Variants in ZNF283 observed in about 807,000 individuals in gnomAD.
The protein encoded by ZNF283 is zinc finger protein 41.
Under a neutral mutation model 9.2 loss-of-function variants are expected in ZNF283, and 10 were observed. The ratio of observed to expected loss-of-function variants is 1.09; its 90% CI spans 0.67 to 1.85. The LOEUF is 1.85. Ranked by LOEUF, ZNF283 falls within the 40% of genes most tolerant of loss-of-function variation. The probability of loss-of-function intolerance (pLI) is 0.00; values close to 1 mark genes in which losing one functional copy is unlikely to be tolerated. For missense variants in ZNF283, 631 were observed against 760.1 expected (o/e 0.83, Z 2.00); for synonymous variants, 234 against 244.1 (o/e 0.96, Z 0.38).
Position 43,847,273 on chromosome 19 carries a change from A to G in ZNF283, c.672A>G (p.Gln224=). The change falls in exon 7 of 7, where the codon CAA becomes CAG. Residue 224 remains glutamine, a synonymous_variant. Transcript: ENST00000618787. ...GCAGTCATGGCTCAAAACTTGTTCAACATGAGAGAACTCATACAGCTGAAA... is the reference window on the plus strand; with the variant it reads ...GCAGTCATGGCTCAAAACTTGTTCAGCATGAGAGAACTCATACAGCTGAAA... ...KACSHGSKLV[Q]HERTHTAEKH... 6.2e-7 allele frequency: 1 copy of G among 1,613,824 alleles called. No homozygotes were observed. The highest frequency in any genetic ancestry group is 1.1e-5 in the South Asian group (1 of 91,070).
At position 43,837,108 on chromosome 19, in the gene ZNF283, GCCTGGA is replaced by G. The variant is rs1468891277; in HGVS notation, c.269_274del (p.Leu90_Asp91del). On this transcript the variant is annotated inframe_deletion, in exon 6 of 7. Transcript: ENST00000618787. ...GACTTCTCTCAGGAGGAGTGGGAAT[GCCTGGA>G]CCCTGCTCAGAGGGACTTGTACGTG... 1 of 1,614,016 alleles carries G rather than the reference GCCTGGA, an allele frequency of 6.2e-7. No individual in the cohort carries two copies. Among genetic ancestry groups the G allele is most frequent in the Non-Finnish European group, 8.5e-7 (1 of 1,180,006 alleles).
intron 5 of ZNF283, among the ~76,000 whole-genome samples, chr19:43,836,617 C>CG (rs1970990874): frequency 6.6e-6 from 1 of 152,152 alleles, no homozygotes; most frequent in Non-Finnish European, 1.5e-5. Context: ...CTTGGGATTA[C>CG]GGGCATGAAC....
intron 6 of ZNF283, among the ~76,000 whole-genome samples, chr19:43,839,025 C>G (rs756631932): frequency 6.6e-6 from 1 of 152,096 alleles, no homozygotes; most frequent in Non-Finnish European, 1.5e-5. Context: ...ATGTAGTTAC[C>G]TTTACCAATG....
In ZNF283 at chr19:43,849,768, T is replaced by C. The variant is rs1253724014; in HGVS notation, c.*1127T>C. ...TGATGTTTCAAATGCTGATGGTAAC[T>C]AATAATGCTGTTACAGAGATTAGAT... On this transcript the variant is annotated 3_prime_UTR_variant, in exon 7 of 7. Transcript: ENST00000618787. 6.6e-6 allele frequency: 1 copy of C among 152,226 alleles called. No homozygotes were observed. The highest frequency in any genetic ancestry group is 1.5e-5 in the Non-Finnish European group (1 of 68,026). The allele number at this position is 152,226 out of a possible 1,614,324, so 9.4% of individuals were successfully genotyped here. A position where few individuals can be genotyped will look rare whatever the true frequency, so the allele number is the denominator to read the frequency against.
At chr19:43,828,914 G>A (rs1205483975) in intron 2 of ZNF283, among the ~76,000 whole-genome samples, 3 of 152,192 alleles carry the variant, frequency 2.0e-5, no homozygotes, top group African/African-American at 7.2e-5. Context: ...TGCTTTGTGA[G>A]GCTTTTAGGG....
chr19:43,831,497 C>A lies in ZNF283; in HGVS notation c.-1+116C>A. ...CTCAGTTTTTTACATTTGGAAATGT[C>A]TTTATAGTTCCAATTATGGAATTAA... is the stretch of plus-strand genomic sequence containing the variant. On this transcript the variant is annotated intron_variant, in intron 3 of 6. Transcript: ENST00000618787. 6 of 825,326 alleles carry A rather than the reference C, an allele frequency of 7.3e-6. No homozygotes were observed. The East Asian group carries it at 8.1e-5, about 11-fold the overall frequency. 51.1% of individuals were successfully genotyped at this position (825,326 alleles called of 1,614,324 possible).
At position 43,837,051 on chromosome 19, in the gene ZNF283, A is replaced by G; in HGVS notation, c.211-2A>G. 2 of 1,613,552 alleles carry G rather than the reference A, an allele frequency of 1.2e-6. No individual in the cohort carries two copies. The highest frequency in any genetic ancestry group is 1.7e-6 in the Non-Finnish European group (2 of 1,179,862). On this transcript the variant is annotated splice_acceptor_variant, in intron 5 of 6. Transcript: ENST00000618787. LOFTEE classifies it high-confidence loss of function. ...AAGTAATACATGGGTTTTTGGTTTT[A>G]GGGGTTGGTGACATTCAGGGATGTG...
chr19:43,833,116 A>G (rs1340825227), intron 3 of ZNF283, among the ~76,000 whole-genome samples: 1 of 151,588 alleles, frequency 6.6e-6, no homozygotes, highest in Non-Finnish European at 1.5e-5. Context: ...TTACTCTTCT[A>G]TGGTAGACAC....
Position 43,848,206 on chromosome 19 carries a change from A to G in ZNF283, c.1605A>G (p.Arg535=). ...NCGSSLVQHE[R]IHTGEKPYEC... is the part of the protein sequence containing the mutation. The stretch of plus-strand genomic sequence containing the variant: ...GATCAAGCCTTGTTCAACATGAAAG[A>G]ATCCATACAGGGGAGAAACCCTATG... Residue 535 remains arginine, a synonymous_variant, in exon 7 of 7, where the codon AGA becomes AGG. Transcript: ENST00000618787. The G allele has an allele frequency of 3.1e-6, 5 of 1,613,948 alleles. No individual in the cohort carries two copies. Among genetic ancestry groups the G allele is most frequent in the Non-Finnish European group, 4.2e-6 (5 of 1,179,952 alleles).
Position 43,847,771 on chromosome 19 carries a change from T to TA in ZNF283, c.1171dup (p.Thr391AsnfsTer10). ...AGGCTTTTTGTTGGGGCTATCAACTTACTCGACATCAGATATTTCATACTG... is the reference window on the plus strand; with the variant it reads ...AGGCTTTTTGTTGGGGCTATCAACTTAACTCGACATCAGATATTTCATACTG... On this transcript the variant is annotated frameshift_variant, in exon 7 of 7. Transcript: ENST00000618787. LOFTEE classifies it low-confidence loss of function (END_TRUNC). 6.2e-7 allele frequency: 1 copy of TA among 1,613,728 alleles called. No homozygotes were observed. The highest frequency in any genetic ancestry group is 8.5e-7 in the Non-Finnish European group (1 of 1,179,880).
chr19:43,835,444 T>C (rs1024213534), intron 4 of ZNF283, 61 bp from the exon 5 acceptor site: 2 of 1,060,790 alleles, frequency 1.9e-6, no homozygotes. Flanking sequence ...CTTCTATTAG[T>C]GTAAGTCAGG....
chr19:43,833,730 C>T (rs1261590042), intron 4 of ZNF283, 104 bp downstream of exon 4: 1 of 152,530 alleles, frequency 6.6e-6, no homozygotes, highest in Non-Finnish European at 1.5e-5. Flanking sequence ...ATCCACCCAC[C>T]TCGGCTTCTC....
chr19:43,847,268 G>T lies in ZNF283; in HGVS notation c.667G>T (p.Val223Phe), dbSNP rs1971439427. ...GKACSHGSKL[V>F]QHERTHTAEK... ...GGCTTGCAGTCATGGCTCAAAACTT[G>T]TTCAACATGAGAGAACTCATACAGC... The change falls in exon 7 of 7, where the codon GTT becomes TTT. Residue 223 changes from valine to phenylalanine, a missense_variant. Coordinates refer to ENST00000618787, the MANE Select transcript of ZNF283 (RefSeq NM_181845.2). The T allele has an allele frequency of 6.2e-7, 1 of 1,612,840 alleles. No homozygotes were observed. The highest frequency in any genetic ancestry group is 1.3e-5 in the African/African-American group (1 of 74,622).
At chr19:43,839,161 T>G (rs1249923097) in intron 6 of ZNF283, among the ~76,000 whole-genome samples, 2 of 152,194 alleles carry the variant, frequency 1.3e-5, no homozygotes, top group Admixed American at 6.5e-5. Flanking sequence ...GCTTTTGTTT[T>G]TTCTGGAAAT....
chr19:43,848,732 G>A lies in ZNF283; in HGVS notation c.*91G>A. 1 of 1,324,830 alleles carries A rather than the reference G, an allele frequency of 7.5e-7. No homozygotes were observed. Among genetic ancestry groups the A allele is most frequent in the South Asian group, 1.9e-5 (1 of 53,612 alleles). 82.1% of individuals were successfully genotyped at this position (1,324,830 alleles called of 1,614,324 possible). ...TCTTGAGAAACCTTGTGAATGTAAG[G>A]GTTGTGCAAAAGCCATTCATTTCTG... On this transcript the variant is annotated 3_prime_UTR_variant, in exon 7 of 7. Coordinates refer to ENST00000618787, the MANE Select transcript of ZNF283 (RefSeq NM_181845.2).
At chr19:43,833,086 A>G (rs1972911028) in intron 3 of ZNF283, among the ~76,000 whole-genome samples, 1 of 151,290 alleles carries the variant, frequency 6.6e-6, no homozygotes, top group African/African-American at 2.4e-5. Flanking sequence ...ACCATTCAGT[A>G]TTTTGTATGG....
At position 43,850,240 on chromosome 19, in the gene ZNF283, A is replaced by C. The variant is rs1490241402; in HGVS notation, c.*1599A>C. ...TAAACATTTTTTACCAGAACACTTCATAGATGGTGATGTGTACTTCATCTT... is the reference window on the plus strand; with the variant it reads ...TAAACATTTTTTACCAGAACACTTCCTAGATGGTGATGTGTACTTCATCTT... On this transcript the variant is annotated 3_prime_UTR_variant, in exon 7 of 7. Coordinates refer to ENST00000618787, the MANE Select transcript of ZNF283 (RefSeq NM_181845.2). The C allele has an allele frequency of 2.0e-5, 3 of 152,216 alleles. No individual in the cohort carries two copies. The highest frequency in any genetic ancestry group is 4.4e-5 in the Non-Finnish European group (3 of 68,040). 9.4% of individuals were successfully genotyped at this position (152,216 alleles called of 1,614,324 possible). A position where few individuals can be genotyped will look rare whatever the true frequency, so the allele number is the denominator to read the frequency against.
intron 6 of ZNF283, among the ~76,000 whole-genome samples, chr19:43,839,118 C>T (rs1971096916): frequency 6.6e-6 from 1 of 152,116 alleles, no homozygotes; most frequent in Non-Finnish European, 1.5e-5. Context: ...AACATTTCTT[C>T]TAGAGTAGGT....
chr19:43,829,843 G>A (rs1970625259), intron 2 of ZNF283, among the ~76,000 whole-genome samples: 1 of 152,044 alleles, frequency 6.6e-6, no homozygotes, highest in Non-Finnish European at 1.5e-5. Context: ...CCAGCATGGT[G>A]AAACCCCGTC....
Sources: allele counts gnomAD v4.1 joint callset (sites outside exome capture counted in the v4.1 genomes callset), GRCh38; gene constraint gnomAD v4.1.1; transcripts MANE v1.5; gene names NCBI Gene and HGNC (gene_info 2026-07-23, HGNC 2026-07-21).